The following SGCD variants were observed in gnomAD, a reference collection of about 807,000 sequenced individuals.
SGCD encodes sarcoglycan delta.
In SGCD, 18 loss-of-function variants were observed where a neutral mutation model predicts 36.6. That is an observed-to-expected ratio of 0.49 (90% CI 0.34 to 0.73). The LOEUF is 0.73. Among genes scored for constraint, SGCD ranks in the 30% least tolerant of loss-of-function variants. SGCD has a pLI of 0.01. For missense variants in SGCD, 387 were observed against 346.7 expected (o/e 1.12, Z -0.92); for synonymous variants, 133 against 130.6 (o/e 1.02, Z -0.12).
chr5:155,897,038 A>T (rs1756279263), intron 1 of SGCD, among the ~76,000 whole-genome samples: 1 of 152,190 alleles, frequency 6.6e-6, no homozygotes, highest in African/African-American at 2.4e-5. Context: ...TCTAGAAGAG[A>T]TGTTCCTGTG....
At chr5:156,509,771 C>T (rs980196499) in intron 4 of SGCD, among the ~76,000 whole-genome samples, 4 of 152,114 alleles carry the variant, frequency 2.6e-5, no homozygotes, top group African/African-American at 9.7e-5. Context: ...CTTTGTTAAC[C>T]ACTGTTATTC....
chr5:156,392,872 A>G (rs987635231), intron 3 of SGCD, among the ~76,000 whole-genome samples: 9 of 152,056 alleles, frequency 5.9e-5, no homozygotes, highest in South Asian at 2.1e-4. Context: ...TCCTCTCGAC[A>G]TCCAGCCACC....
intron 1 of SGCD, among the ~76,000 whole-genome samples, chr5:155,914,841 A>G (rs1756704426): frequency 6.6e-6 from 1 of 152,168 alleles, no homozygotes; most frequent in Admixed American, 6.6e-5. Flanking sequence ...TTAACAATTC[A>G]CTTGGCTTAC....
At chr5:155,768,293 T>C in the SGCD span, among the ~76,000 whole-genome samples, 1 of 18,244 alleles carries the variant, frequency 5.5e-5, no homozygotes, top group African/African-American at 4.3e-4. Flanking sequence ...GTTGTTTTAG[T>C]TTTTTTTTTC....
chr5:156,546,314 C>G (rs964961959), intron 4 of SGCD, among the ~76,000 whole-genome samples: 8 of 152,160 alleles, frequency 5.3e-5, no homozygotes, highest in Non-Finnish European at 1.0e-4. Flanking sequence ...TTGGGGGTCA[C>G]TTTCTTTCTT....
intron 3 of SGCD, among the ~76,000 whole-genome samples, chr5:156,148,717 T>G (rs56342808): frequency 0.33 from 49,873 of 151,874 alleles, 8,808 homozygotes; most frequent in Admixed American, 0.41. Flanking sequence ...CTAGACCAAC[T>G]CAAAATTACA....
intron 1 of SGCD, among the ~76,000 whole-genome samples, chr5:155,911,031 T>C (rs1239515919): frequency 6.6e-6 from 1 of 151,956 alleles, no homozygotes; most frequent in African/African-American, 2.4e-5. Flanking sequence ...ACGAGTAGGG[T>C]GAATGTTAGC....
At position 156,558,663 on chromosome 5, in the gene SGCD, C is replaced by T. The variant is rs554696151; in HGVS notation, c.295-30568C>T. 3.6e-4 allele frequency among the ~76,000 whole-genome samples: 55 copies of T among 152,226 alleles called. 2 individuals carry two copies. In the South Asian group the frequency reaches 0.011, roughly 32 times the overall value. Reference sequence around the variant, plus strand: ...CTTAGGAAAGTATGTGAAGCTGAGTCACAAAAGGGAACAGAGATTGATCAT... The same window carrying T: ...CTTAGGAAAGTATGTGAAGCTGAGTTACAAAAGGGAACAGAGATTGATCAT... On this transcript the variant is annotated intron_variant, in intron 4 of 8. Transcript: ENST00000337851.
chr5:155,881,680 A>G (rs529294696), intron 1 of SGCD, among the ~76,000 whole-genome samples: 22 of 152,330 alleles, frequency 1.4e-4, no homozygotes, highest in South Asian at 6.2e-4. Flanking sequence ...ATAGCATGCC[A>G]TGCTGTTTGA....
At chr5:156,449,915 T>C (rs971028063) in intron 3 of SGCD, among the ~76,000 whole-genome samples, 4 of 151,690 alleles carry the variant, frequency 2.6e-5, no homozygotes, top group Non-Finnish European at 4.4e-5. Context: ...CTGGTCTTGC[T>C]ATCAACTCTG....
At chr5:156,406,513 G>A (rs898318964) in intron 3 of SGCD, among the ~76,000 whole-genome samples, 1 of 151,610 alleles carries the variant, frequency 6.6e-6, no homozygotes, top group African/African-American at 2.4e-5. Flanking sequence ...CTCCAGTCTC[G>A]TTCACCCAGT....
At chr5:156,360,098 C>T (rs1769704662) in intron 3 of SGCD, among the ~76,000 whole-genome samples, 1 of 152,204 alleles carries the variant, frequency 6.6e-6, no homozygotes, top group Non-Finnish European at 1.5e-5. Context: ...GAAACCCCAC[C>T]TCCAAGCTAA....
chr5:155,801,621 A>G, the SGCD span, among the ~76,000 whole-genome samples: 1 of 152,178 alleles, frequency 6.6e-6, no homozygotes, highest in Non-Finnish European at 1.5e-5. Flanking sequence ...AGGAGAACAA[A>G]TGGTGTAGGT....
chr5:155,808,158 G>A, the SGCD span, among the ~76,000 whole-genome samples: 6 of 152,072 alleles, frequency 3.9e-5, no homozygotes, highest in African/African-American at 1.4e-4. Flanking sequence ...GTACCTTGTG[G>A]GCCTCATTGT....
intron 4 of SGCD, among the ~76,000 whole-genome samples, chr5:156,514,228 G>A (rs17053595): frequency 0.068 from 10,340 of 152,234 alleles, 540 homozygotes; most frequent in Admixed American, 0.13. Context: ...CTTCAAAGAG[G>A]CTTTTTACCT....
rs10042554 is a variant in SGCD at position 156,060,796 on chromosome 5, A to G, written c.-281-57082A>G. ...AATAATATACTTTTTAATATTAAAA[A>G]CTAAAAGATTGACATTAAATAATTT... On this transcript the variant is annotated intron_variant, in intron 1 of 9. Transcript: ENST00000517913. 1.4e-3 allele frequency among the ~76,000 whole-genome samples: 210 copies of G among 146,218 alleles called. 7 individuals are homozygous for G. Among genetic ancestry groups the G allele is most frequent in the African/African-American group, 5.0e-3 (203 of 40,756 alleles).
rs530789553 is a variant in SGCD at position 156,674,914 on chromosome 5, G to T, written c.575+27378G>T. ...AGAATTTCCTAAAGCAGAATGGGAC[G>T]CAGTGACTTCATTCCCATTGTATTG... is the stretch of plus-strand genomic sequence containing the variant. On this transcript the variant is annotated intron_variant, in intron 7 of 8. Transcript: ENST00000337851. Among the ~76,000 whole-genome samples the T allele has an allele frequency of 2.7e-4, 41 of 152,268 alleles. No individual in the cohort carries two copies. In the South Asian group the frequency reaches 8.5e-3, roughly 32 times the overall value.
chr5:156,443,209 T>C (rs985609259), intron 3 of SGCD, among the ~76,000 whole-genome samples: 2 of 152,110 alleles, frequency 1.3e-5, no homozygotes, highest in Non-Finnish European at 2.9e-5. Flanking sequence ...GATCTCAAAC[T>C]CCTGACCTCA....
intron 3 of SGCD, among the ~76,000 whole-genome samples, chr5:156,379,426 C>A (rs111898051): frequency 6.6e-6 from 1 of 152,088 alleles, no homozygotes; most frequent in Non-Finnish European, 1.5e-5. Flanking sequence ...CTGAGGAACA[C>A]GCCATATGGA....
Sources: allele counts gnomAD v4.1 joint callset (sites outside exome capture counted in the v4.1 genomes callset), GRCh38; gene constraint gnomAD v4.1.1; transcripts MANE v1.5; gene names NCBI Gene and HGNC (gene_info 2026-07-23, HGNC 2026-07-21).